Variants in CSMD1 observed in about 807,000 individuals in gnomAD.
The protein encoded by CSMD1 is CUB and Sushi multiple domains 1.
CSMD1 carries 213 observed loss-of-function variants against 417.5 expected under a neutral mutation model. The observed-to-expected ratio is 0.51, with a 90% CI of 0.46 to 0.57. The LOEUF is 0.57. CSMD1 is among the 20% of genes least tolerant of loss of function. The probability of loss-of-function intolerance (pLI) is 0.00; values close to 1 mark genes in which losing one functional copy is unlikely to be tolerated. For synonymous variants in CSMD1, 2,862 were observed against 1,736.8 expected, an observed-to-expected ratio of 1.65 and a Z score of -16.11; for missense variants, 6,923 against 4,529.7, an observed-to-expected ratio of 1.53 and a Z score of -15.17.
chr8:4,059,380 G>T (rs1798855680), intron 3 of CSMD1, among the ~76,000 whole-genome samples: 1 of 152,188 alleles, frequency 6.6e-6, no homozygotes, highest in African/African-American at 2.4e-5. Flanking sequence ...ACAATTAAAA[G>T]AACTAGAAAA....
chr8:4,111,624 G>A (rs543122148), intron 3 of CSMD1, among the ~76,000 whole-genome samples: 15 of 152,148 alleles, frequency 9.9e-5, no homozygotes, highest in African/African-American at 2.4e-4. Context: ...TTGTAGGGAC[G>A]TGGATGGAGT....
chr8:3,978,564 C>G (rs1185272739), intron 5 of CSMD1, among the ~76,000 whole-genome samples: 1 of 152,058 alleles, frequency 6.6e-6, no homozygotes, highest in African/African-American at 2.4e-5. Context: ...AAATATAGAT[C>G]CTCATAGGGT....
intron 2 of CSMD1, among the ~76,000 whole-genome samples, chr8:4,556,829 G>A (rs1490289298): frequency 1.3e-5 from 2 of 152,124 alleles, no homozygotes; most frequent in Admixed American, 6.5e-5. Flanking sequence ...ACTCATTGGA[G>A]CACTTAGGAT....
At chr8:4,487,991 A>T (rs1801501291) in intron 2 of CSMD1, among the ~76,000 whole-genome samples, 1 of 152,180 alleles carries the variant, frequency 6.6e-6, no homozygotes, top group Non-Finnish European at 1.5e-5. Flanking sequence ...CTACCCATTA[A>T]GGTGATGCTA....
intron 5 of CSMD1, among the ~76,000 whole-genome samples, chr8:3,996,011 A>C (rs541843528): frequency 4.6e-5 from 7 of 152,216 alleles, no homozygotes; most frequent in Non-Finnish European, 1.0e-4. Context: ...GATACTCTCT[A>C]TGACAAGGAT....
intron 12 of CSMD1, among the ~76,000 whole-genome samples, chr8:3,421,325 G>C (rs1813475716): frequency 6.6e-6 from 1 of 152,180 alleles, no homozygotes; most frequent in African/African-American, 2.4e-5. Flanking sequence ...GAGAAGGACT[G>C]CTCTGAGCCC....
chr8:4,740,734 T>C (rs1673237), intron 1 of CSMD1, among the ~76,000 whole-genome samples: 137,826 of 152,140 alleles, frequency 0.91, 62,572 homozygotes, highest in East Asian at 0.97. Context: ...GCATGGGCAA[T>C]AGAGCAAGAT....
intron 3 of CSMD1, among the ~76,000 whole-genome samples, chr8:4,314,778 G>A (rs545248935): frequency 6.6e-6 from 1 of 152,232 alleles, no homozygotes; most frequent in South Asian, 2.1e-4. Flanking sequence ...TTTATCCTCA[G>A]AAAAGATTCA....
At chr8:3,500,191 G>A (rs1360826968) in intron 10 of CSMD1, among the ~76,000 whole-genome samples, 1 of 152,100 alleles carries the variant, frequency 6.6e-6, no homozygotes, top group East Asian at 1.9e-4. Flanking sequence ...TCTTTACTCT[G>A]TTGCTTCAGT....
intron 30 of CSMD1, among the ~76,000 whole-genome samples, chr8:3,210,042 C>G (rs1406971174): frequency 6.6e-6 from 1 of 152,098 alleles, no homozygotes; most frequent in African/African-American, 2.4e-5. Context: ...AAACATTACC[C>G]CACGCATCTA....
intron 3 of CSMD1, among the ~76,000 whole-genome samples, chr8:4,148,899 A>G (rs1254945361): frequency 2.0e-5 from 3 of 152,066 alleles, no homozygotes; most frequent in Non-Finnish European, 4.4e-5. Flanking sequence ...CATTCCCAAC[A>G]TAGTTCACCA....
At chr8:4,196,175 C>T (rs1585002498) in intron 3 of CSMD1, among the ~76,000 whole-genome samples, 2 of 152,218 alleles carry the variant, frequency 1.3e-5, no homozygotes, top group East Asian at 1.9e-4. Context: ...CGCGCCACTG[C>T]ACTCCAGCCT....
chr8:3,404,217 C>T (rs1371752480), intron 15 of CSMD1, among the ~76,000 whole-genome samples: 5 of 151,960 alleles, frequency 3.3e-5, no homozygotes, highest in South Asian at 2.1e-4. Flanking sequence ...GTCTGTAGTC[C>T]CAGTTACTCA....
intron 1 of CSMD1, among the ~76,000 whole-genome samples, chr8:4,826,591 A>G (rs1466450206): frequency 6.6e-6 from 1 of 152,172 alleles, no homozygotes; most frequent in African/African-American, 2.4e-5. Flanking sequence ...CACCTTAAAC[A>G]ACTGATGGAA....
chr8:4,060,811 G>A (rs1401609639), intron 3 of CSMD1, among the ~76,000 whole-genome samples: 2 of 152,134 alleles, frequency 1.3e-5, no homozygotes, highest in East Asian at 3.9e-4. Flanking sequence ...TAGGAATGGG[G>A]CAAGGACTAA....
chr8:4,417,919 C>T (rs1563152407), intron 3 of CSMD1, among the ~76,000 whole-genome samples: 1 of 152,020 alleles, frequency 6.6e-6, no homozygotes, highest in Non-Finnish European at 1.5e-5. Flanking sequence ...GTATTTGGTA[C>T]TTGCAATAAA....
At chr8:3,243,821 A>G (rs899110460) in intron 26 of CSMD1, among the ~76,000 whole-genome samples, 3 of 148,382 alleles carry the variant, frequency 2.0e-5, no homozygotes, top group Non-Finnish European at 2.9e-5. Flanking sequence ...TGAATATTAT[A>G]TTTATATGTA....
intron 3 of CSMD1, among the ~76,000 whole-genome samples, chr8:4,062,324 G>A (rs1436790520): frequency 1.3e-5 from 2 of 152,022 alleles, no homozygotes; most frequent in African/African-American, 4.8e-5. Flanking sequence ...TAAATAATAT[G>A]GTCCAGGGTG....
chr8:4,883,401 G>C (rs1803537343), intron 1 of CSMD1, among the ~76,000 whole-genome samples: 1 of 151,880 alleles, frequency 6.6e-6, no homozygotes, highest in Non-Finnish European at 1.5e-5. Context: ...TCAGTATATT[G>C]AAATGCAAGA....
Sources: gnomAD v4.1 joint callset for allele counts (sites outside exome capture counted in the v4.1 genomes callset) on GRCh38, gnomAD v4.1.1 for gene constraint, MANE v1.5 for transcripts, NCBI Gene and HGNC (gene_info 2026-07-23, HGNC 2026-07-21) for gene names.